Variants in ATG7 observed in about 807,000 individuals in gnomAD.
The protein encoded by ATG7 is ubiquitin-like modifier-activating enzyme ATG7.
ATG7 carries 70 observed loss-of-function variants against 82.4 expected under a neutral mutation model. The observed-to-expected ratio is 0.85, with a 90% CI of 0.70 to 1.04. The LOEUF (loss-of-function observed/expected upper bound fraction) is 1.04, where lower values mean the gene tolerates loss of function less well. Ranked by LOEUF, ATG7 falls within the 50% of genes least tolerant of loss-of-function variation. The pLI, the probability that ATG7 is intolerant of heterozygous loss-of-function variation, is 0.00. For missense variants in ATG7, 792 were observed against 864.3 expected, an observed-to-expected ratio of 0.92 and a Z score of 1.05; for synonymous variants, 287 against 313.0, an observed-to-expected ratio of 0.92 and a Z score of 0.88.
At chr3:11,446,566 A>C (rs1265607048) in intron 20 of ATG7, 1 of 423,898 alleles carries the variant, frequency 2.4e-6, no homozygotes, top group Non-Finnish European at 4.6e-6. Flanking sequence ...ATCCAATGAC[A>C]GTGTTAAAAT....
At chr3:11,484,636 G>A (rs2089416027) in intron 20 of ATG7, among the ~76,000 whole-genome samples, 1 of 152,084 alleles carries the variant, frequency 6.6e-6, no homozygotes, top group African/African-American at 2.4e-5. Context: ...TGCCATGCTG[G>A]TGTGCTGCAC....
chr3:11,551,753 C>T (rs1018841548), intron 20 of ATG7, among the ~76,000 whole-genome samples: 13 of 146,884 alleles, frequency 8.9e-5, no homozygotes, highest in Non-Finnish European at 1.8e-4. Context: ...CTTTTCTTTT[C>T]TTTTTTTTTT....
chr3:11,574,783 A>ATGTGTGTGTGTGTG, the ATG7 span, among the ~76,000 whole-genome samples: 73 of 111,838 alleles, frequency 6.5e-4, no homozygotes, highest in Middle Eastern at 4.7e-3. Flanking sequence ...ATTCAACTAT[A>ATGTGTGTGTGTGTG]TATGTGTGTG....
intron 20 of ATG7, among the ~76,000 whole-genome samples, chr3:11,490,306 T>C (rs1394746215): frequency 6.6e-6 from 1 of 152,222 alleles, no homozygotes; most frequent in Non-Finnish European, 1.5e-5. Flanking sequence ...CTGCCTTTTT[T>C]TGTTTTCCAT....
intron 20 of ATG7, chr3:11,529,840 C>CT (rs945568174): frequency 9.2e-5 from 14 of 152,334 alleles, no homozygotes; most frequent in African/African-American, 3.1e-4. Context: ...GCTGAGATGG[C>CT]TCTGTGCTCG....
chr3:11,462,545 C>A (rs917355963), intron 20 of ATG7, among the ~76,000 whole-genome samples: 1 of 152,082 alleles, frequency 6.6e-6, no homozygotes, highest in Non-Finnish European at 1.5e-5. Context: ...ATCTCAGGGG[C>A]CCTAAGCTAT....
chr3:11,388,629 C>T (rs139838084), intron 19 of ATG7, among the ~76,000 whole-genome samples: 246 of 152,044 alleles, frequency 1.6e-3, no homozygotes, highest in African/African-American at 5.1e-3. Flanking sequence ...AGGGTTTCAC[C>T]GTGTTAGCTA....
At chr3:11,302,696 G>A in intron 5 of ATG7, among the ~76,000 whole-genome samples, 1 of 152,134 alleles carries the variant, frequency 6.6e-6, no homozygotes, top group East Asian at 1.9e-4. Flanking sequence ...AATGTGCTAG[G>A]TGCTGGGCAT....
chr3:11,466,377 G>T (rs1240012567), intron 20 of ATG7, among the ~76,000 whole-genome samples: 2 of 152,186 alleles, frequency 1.3e-5, no homozygotes, highest in East Asian at 3.8e-4. Flanking sequence ...AGATCAGTTG[G>T]TTTTGTGTCC....
At chr3:11,503,443 C>CA (rs1355175072) in intron 20 of ATG7, among the ~76,000 whole-genome samples, 1 of 151,616 alleles carries the variant, frequency 6.6e-6, no homozygotes, top group Admixed American at 6.6e-5. Context: ...ATTCATGAAA[C>CA]AAAAAATGCT....
intron 20 of ATG7, among the ~76,000 whole-genome samples, chr3:11,496,049 AG>A (rs1277847061): frequency 6.6e-6 from 1 of 152,202 alleles, no homozygotes; most frequent in African/African-American, 2.4e-5. Flanking sequence ...ACAGATGAGG[AG>A]GCTAAAGCAG....
At chr3:11,427,031 C>A in intron 20 of ATG7, 105 bp downstream of exon 20, 1 of 1,367,248 alleles carries the variant, frequency 7.3e-7, no homozygotes, top group Non-Finnish European at 9.7e-7. Context: ...ATTTTTGTAA[C>A]TTAGAGCAAA....
At chr3:11,452,761 A>G (rs573723491) in intron 20 of ATG7, among the ~76,000 whole-genome samples, 43 of 152,342 alleles carry the variant, frequency 2.8e-4, no homozygotes, top group African/African-American at 9.6e-4. Context: ...AGAGTAAAGT[A>G]GAAGGGATGG....
chr3:11,538,093 G>A (rs2070474831), intron 20 of ATG7, among the ~76,000 whole-genome samples: 1 of 152,216 alleles, frequency 6.6e-6, no homozygotes, highest in Non-Finnish European at 1.5e-5. Flanking sequence ...GGACCCCAGG[G>A]CTGACAGATG....
chr3:11,558,673 G>T, downstream of ATG7: 1 of 1,613,586 alleles, frequency 6.2e-7, no homozygotes, highest in Non-Finnish European at 8.5e-7. Context: ...TGGCCGCTTT[G>T]ATCTGGAGCC....
At chr3:11,283,409 A>G (rs1458871358) in intron 3 of ATG7, among the ~76,000 whole-genome samples, 5 of 152,156 alleles carry the variant, frequency 3.3e-5, no homozygotes, top group African/African-American at 1.2e-4. Context: ...CAAGCACCTC[A>G]CAAACATTTA....
intron 20 of ATG7, among the ~76,000 whole-genome samples, chr3:11,467,504 G>A (rs1448976615): frequency 6.6e-6 from 1 of 152,172 alleles, no homozygotes; most frequent in African/African-American, 2.4e-5. Context: ...AGCCTCCCGA[G>A]TAGCTGGATT....
intron 20 of ATG7, among the ~76,000 whole-genome samples, chr3:11,508,604 C>T (rs2091876912): frequency 6.6e-6 from 1 of 152,082 alleles, no homozygotes; most frequent in African/African-American, 2.4e-5. Flanking sequence ...ACCACCATGC[C>T]TGCTAATATT....
chr3:11,353,079 T>C (rs1217892656), intron 14 of ATG7, among the ~76,000 whole-genome samples: 1 of 152,234 alleles, frequency 6.6e-6, no homozygotes, highest in Non-Finnish European at 1.5e-5. Flanking sequence ...GATTCTAATC[T>C]CAGTGCTTGA....
Sources: allele counts gnomAD v4.1 joint callset (sites outside exome capture counted in the v4.1 genomes callset), GRCh38; gene constraint gnomAD v4.1.1; transcripts MANE v1.5; gene names NCBI Gene and HGNC (gene_info 2026-07-23, HGNC 2026-07-21).